Variants in SCNN1D observed in about 807,000 individuals in gnomAD.
SCNN1D encodes the protein sodium channel epithelial 1 subunit delta, also known as epithelial sodium channel subunit delta.
In SCNN1D, 104 loss-of-function variants were observed where a neutral mutation model predicts 87.8. The observed-to-expected ratio is 1.18, with a 90% CI of 1.01 to 1.39. SCNN1D has a LOEUF of 1.39. Among genes scored for constraint, SCNN1D ranks in the 40% most tolerant of loss-of-function variants. SCNN1D has a pLI of 0.00. For missense variants in SCNN1D, 1,324 were observed against 1,093.9 expected (o/e 1.21, Z -2.97); for synonymous variants, 628 against 481.2 (o/e 1.31, Z -3.99).
In SCNN1D at chr1:1,287,849, C is replaced by G. The variant is rs778496318; in HGVS notation, c.1563+13C>G. On this transcript the variant is annotated intron_variant, in intron 11 of 17. Coordinates refer to ENST00000379116, the MANE Select transcript of SCNN1D (RefSeq NM_001130413.4). ...CAGCATCCGAGAGGTGAGCTGGCCT[C>G]TGCAGCCAACCTCCGGCCCAGGCCT... 6.5e-7 allele frequency: 1 copy of G among 1,527,806 alleles called. No homozygotes were observed. The highest frequency in any genetic ancestry group is 8.8e-7 in the Non-Finnish European group (1 of 1,131,448). The allele number at this position is 1,527,806 out of a possible 1,614,324, so 94.6% of individuals were successfully genotyped here.
intron 3 of SCNN1D, 79 bp downstream of exon 3, chr1:1,281,689 G>A (rs902682763): frequency 1.4e-5 from 19 of 1,319,906 alleles, no homozygotes; most frequent in Admixed American, 4.2e-5. Flanking sequence ...TGATCCAGCC[G>A]AGATGTGCTC....
chr1:1,282,167 C>A, intron 3 of SCNN1D, 75 bp from the exon 4 acceptor site: 1 of 891,918 alleles, frequency 1.1e-6, no homozygotes, highest in South Asian at 1.5e-5. Flanking sequence ...ATCTGGCACT[C>A]AAGGAAATCA....
At position 1,284,031 on chromosome 1, in the gene SCNN1D, G is replaced by C; in HGVS notation, c.405G>C (p.Leu135=). Residue 135 remains leucine, a synonymous_variant, in exon 5 of 18, where the codon CTG becomes CTC. Coordinates refer to ENST00000379116, the MANE Select transcript of SCNN1D (RefSeq NM_001130413.4). The part of the protein sequence containing the change: ...LQSCQLPPQW[L]STEAWTGEWK... ...GCTGCCAGCTGCCCCCGCAATGGCT[G>C]AGCACCGAAGCATGGACGGGAGAAT... 1 of 1,401,950 alleles carries C rather than the reference G, an allele frequency of 7.1e-7. No individual in the cohort carries two copies. Among genetic ancestry groups the C allele is most frequent in the Non-Finnish European group, 9.2e-7 (1 of 1,083,460 alleles). 86.8% of individuals were successfully genotyped at this position (1,401,950 alleles called of 1,614,324 possible).
chr1:1,291,589 C>G lies in SCNN1D; in HGVS notation c.2388C>G (p.Pro796=), dbSNP rs372317801. The G allele has an allele frequency of 2.3e-5, 35 of 1,546,792 alleles. No homozygotes were observed. In the South Asian group the frequency reaches 4.0e-4, roughly 17 times the overall value. ...SAEESWAGPQ[P]LETLDT is the part of the protein sequence containing the mutation. ...AAGAGAGCTGGGCTGGGCCCCAGCC[C>G]CTTGAGACTCTGGACACCTGAACCA... The change falls in exon 18 of 18, where the codon CCC becomes CCG. Residue 796 remains proline, a synonymous_variant. Coordinates refer to ENST00000379116, the MANE Select transcript of SCNN1D (RefSeq NM_001130413.4).
At chr1:1,285,405 C>T (rs577094671) in intron 5 of SCNN1D, among the ~76,000 whole-genome samples, 166 bp from the exon 6 acceptor site, 18 of 152,354 alleles carry the variant, frequency 1.2e-4, no homozygotes, top group Admixed American at 3.3e-4. Context: ...CCAGGCCAGA[C>T]GCTTCCTGGA....
Position 1,281,277 on chromosome 1 carries a change from C to T in SCNN1D, c.57C>T (p.Gly19=), listed in dbSNP as rs778165808. ...CGCTCCCTCGTTACCTGTGGCCCGG[C>T]CACCTCAGCGGCCCAAGGAGGTGAG... is the stretch of plus-strand genomic sequence containing the variant. ...TTPLPRYLWP[G]HLSGPRRLTW... Residue 19 remains glycine, a synonymous_variant, in exon 2 of 18, where the codon GGC becomes GGT. Coordinates refer to ENST00000379116, the MANE Select transcript of SCNN1D (RefSeq NM_001130413.4). The T allele has an allele frequency of 3.9e-6, 6 of 1,535,712 alleles. No individual in the cohort carries two copies. The South Asian group carries it at 5.9e-5, about 15-fold the overall frequency.
chr1:1,291,437 T>C lies in SCNN1D; in HGVS notation c.2236T>C (p.Ser746Pro). The change falls in exon 18 of 18, where the codon TCC becomes CCC. Residue 746 changes from serine to proline, a missense_variant. Physicochemically the swap from Ser to Pro is moderately conservative, Grantham distance 74. Transcript: ENST00000379116. Reference protein sequence around the residue: ...WPRASPASGASSIKPEASQMP... With the variant: ...WPRASPASGAPSIKPEASQMP... The stretch of plus-strand genomic sequence containing the variant: ...CAGAGCCAGCCCTGCCTCAGGGGCG[T>C]CCAGCATCAAGCCAGAGGCCAGTCA... 1 of 1,607,398 alleles carries C rather than the reference T, an allele frequency of 6.2e-7. No individual in the cohort carries two copies. The highest frequency in any genetic ancestry group is 8.5e-7 in the Non-Finnish European group (1 of 1,177,320).
At chr1:1,281,764 C>A (rs1456733892) in intron 3 of SCNN1D, among the ~76,000 whole-genome samples, 154 bp downstream of exon 3, 1 of 152,204 alleles carries the variant, frequency 6.6e-6, no homozygotes, top group Non-Finnish European at 1.5e-5. Context: ...CAGGGCTCCC[C>A]CTCCTACAGG....
At position 1,287,587 on chromosome 1, in the gene SCNN1D, A is replaced by G; in HGVS notation, c.1390A>G (p.Ile464Val). Residue 464 changes from isoleucine to valine, a missense_variant, in exon 10 of 18, where the codon ATC becomes GTC. Transcript: ENST00000379116. ...CGTCTGGACAGCTCAGCGCCCCGGCATCACCCACGGTGGGTGCCAGCCCCT... is the reference window on the plus strand; with the variant it reads ...CGTCTGGACAGCTCAGCGCCCCGGCGTCACCCACGGTGGGTGCCAGCCCCT... ...DGVWTAQRPG[I>V]THGVGLVLRV... The G allele has an allele frequency of 6.3e-7, 1 of 1,597,804 alleles. No individual in the cohort carries two copies. Among genetic ancestry groups the G allele is most frequent in the Non-Finnish European group, 8.5e-7 (1 of 1,170,582 alleles).
chr1:1,290,199 G>GTCCCGTGTCCCTGCTCCA lies in SCNN1D; in HGVS notation c.1663-63_1663-62insCCTGCTCCATCCCGTGTC, dbSNP rs1640749357. ...CTGCTCCGTCCCGTGTCCCTGCTCC[G>GTCCCGTGTCCCTGCTCCA]TCCCGTGTCTCTGCCCCGTCCCCCA... is the stretch of plus-strand genomic sequence containing the variant. On this transcript the variant is annotated intron_variant, in intron 12 of 17. Coordinates refer to ENST00000379116, the MANE Select transcript of SCNN1D (RefSeq NM_001130413.4). 3.2e-6 allele frequency: 3 copies of GTCCCGTGTCCCTGCTCCA among 938,724 alleles called. No homozygotes were observed. The African/African-American group carries it at 7.9e-5, about 25-fold the overall frequency. The allele number at this position is 938,724 out of a possible 1,614,324, so 58.1% of individuals were successfully genotyped here.
Position 1,288,665 on chromosome 1 carries a change from CCGTGTCTCTGCTCCGT to C in SCNN1D, c.1662+630_1662+645del, listed in dbSNP as rs1467005419. On this transcript the variant is annotated intron_variant, in intron 12 of 17. Coordinates refer to ENST00000379116, the MANE Select transcript of SCNN1D (RefSeq NM_001130413.4). The stretch of plus-strand genomic sequence containing the variant: ...CCCCGTCCCGTGTCTCTGCTCCGTC[CCGTGTCTCTGCTCCGT>C]CCCGTGTCCCTGCTCCGTCCCCCGA... 1.2e-4 allele frequency among the ~76,000 whole-genome samples: 13 copies of C among 112,540 alleles called. 2 individuals carry two copies. Among genetic ancestry groups the C allele is most frequent in the East Asian group, 2.9e-4 (1 of 3,392 alleles). The allele number at this position is 112,540 out of a possible 152,430, so 73.8% of individuals were successfully genotyped here.
chr1:1,285,847 C>A, intron 6 of SCNN1D, 79 bp from the exon 7 acceptor site: 2 of 1,406,842 alleles, frequency 1.4e-6, no homozygotes, highest in East Asian at 2.4e-5. Flanking sequence ...GCACTGGTGG[C>A]TGACAGACAT....
chr1:1,282,115 A>G (rs1235014793), intron 3 of SCNN1D, 127 bp from the exon 4 acceptor site: 13 of 654,736 alleles, frequency 2.0e-5, no homozygotes, highest in Non-Finnish European at 1.7e-5. Flanking sequence ...CTGTGACATC[A>G]GCAAGCCCCC....
chr1:1,290,199 G>T, intron 12 of SCNN1D, 72 bp from the exon 13 acceptor site: 2 of 938,590 alleles, frequency 2.1e-6, no homozygotes, highest in South Asian at 3.9e-5. Context: ...TCCCTGCTCC[G>T]TCCCGTGTCT....
At chr1:1,285,029 T>C (rs1383186853) in intron 5 of SCNN1D, among the ~76,000 whole-genome samples, 1 of 152,184 alleles carries the variant, frequency 6.6e-6, no homozygotes, top group Non-Finnish European at 1.5e-5. Flanking sequence ...CCGAGCCTCT[T>C]AGCCTCCCTG....
chr1:1,285,547 G>A (rs1452178968), intron 5 of SCNN1D, 24 bp from the exon 6 acceptor site: 43 of 1,461,198 alleles, frequency 2.9e-5, no homozygotes, highest in Middle Eastern at 1.9e-4. Context: ...GCATGGACAC[G>A]CTACCGTACT....
At position 1,285,918 on chromosome 1, in the gene SCNN1D, G is replaced by A. The variant is rs754688100; in HGVS notation, c.559-8G>A. The A allele has an allele frequency of 3.9e-6, 6 of 1,542,654 alleles. No homozygotes were observed. Among genetic ancestry groups the A allele is most frequent in the East Asian group, 2.3e-5 (1 of 42,976 alleles). The stretch of plus-strand genomic sequence containing the variant: ...GGCCGGGCCCTGCTGAGGCCACTCT[G>A]CACACAGGCTGCAGCCCAGACGCCC... On this transcript the variant is annotated splice_polypyrimidine_tract_variant and splice_region_variant and intron_variant, in intron 6 of 17. Coordinates refer to ENST00000379116, the MANE Select transcript of SCNN1D (RefSeq NM_001130413.4).
chr1:1,290,652 G>A lies in SCNN1D; in HGVS notation c.1875G>A (p.Lys625=), dbSNP rs1311581902. 6.2e-7 allele frequency: 1 copy of A among 1,612,660 alleles called. No individual in the cohort carries two copies. Among genetic ancestry groups the A allele is most frequent in the South Asian group, 1.1e-5 (1 of 91,088 alleles). ...CPRPCRESAF[K]LSTGTSRWPS... ...TCTCTTCCAGGGAGTCTGCATTCAA[G>A]CTCTCCACTGGGACCTCCAGGTGGC... The change falls in exon 15 of 18, where the codon AAG becomes AAA. Residue 625 remains lysine, a synonymous_variant. Transcript: ENST00000379116.
At chr1:1,287,022 G>C in intron 8 of SCNN1D, 47 bp downstream of exon 8, 1 of 1,593,986 alleles carries the variant, frequency 6.3e-7, no homozygotes, top group South Asian at 1.1e-5. Context: ...CTTGAGCTGG[G>C]AGCACGGCCC....
Sources: allele counts gnomAD v4.1 joint callset (sites outside exome capture counted in the v4.1 genomes callset), GRCh38; gene constraint gnomAD v4.1.1; transcripts MANE v1.5; gene names NCBI Gene and HGNC (gene_info 2026-07-23, HGNC 2026-07-21).